Variants in HRG observed in about 807,000 individuals in gnomAD.
HRG encodes the protein histidine rich glycoprotein, also known as histidine-rich glycoprotein.
Under a neutral mutation model 29.5 loss-of-function variants are expected in HRG, and 26 were observed. The observed-to-expected ratio is 0.88, with a 90% CI of 0.65 to 1.22. The LOEUF is 1.22. Ranked by LOEUF, HRG falls within the 50% of genes most tolerant of loss-of-function variation. HRG has a pLI of 0.00. For synonymous variants in HRG, 243 were observed against 240.4 expected (o/e 1.01, Z -0.10); for missense variants, 671 against 654.5 (o/e 1.03, Z -0.28).
Position 186,677,248 on chromosome 3 carries a change from G to C in HRG, c.943G>C (p.Gly315Arg), listed in dbSNP as rs767977047. 2 of 1,613,968 alleles carry C rather than the reference G, an allele frequency of 1.2e-6. No individual in the cohort carries two copies. The highest frequency in any genetic ancestry group is 1.1e-5 in the South Asian group (1 of 91,054). Residue 315 changes from glycine (G) to arginine (R), a missense_variant, in exon 7 of 7, where the codon GGC becomes CGC. Gly to Arg is a moderately radical substitution (Grantham distance 125). Coordinates refer to ENST00000232003, the MANE Select transcript of HRG (RefSeq NM_000412.5). ...DHSHGPPLPQ[G>R]PPPLLPMSCS... is the part of the protein sequence containing the mutation. Reference sequence around the variant, plus strand: ...CTCACATGGACCCCCACTTCCACAAGGCCCTCCTCCACTATTGCCCATGTC... The same window carrying C: ...CTCACATGGACCCCCACTTCCACAACGCCCTCCTCCACTATTGCCCATGTC...
rs752120188 is a variant in HRG at position 186,666,080 on chromosome 3, T to C, written c.49T>C (p.Cys17Arg). ...ALLLITLQYSCAVSPTDCSAV... is the reference protein window; with the variant it reads ...ALLLITLQYSRAVSPTDCSAV... Reference sequence around the variant, plus strand: ...GCTTTTGATCACATTGCAGTATTCGTGTGCCGTGAGTCCCACTGACTGCAG... The same window carrying C: ...GCTTTTGATCACATTGCAGTATTCGCGTGCCGTGAGTCCCACTGACTGCAG... The change falls in exon 1 of 7, where the codon TGT becomes CGT. Residue 17 changes from cysteine (C) to arginine (R), a missense_variant. Physicochemically the swap from Cys to Arg is radical, Grantham distance 180. Coordinates refer to ENST00000232003, the MANE Select transcript of HRG (RefSeq NM_000412.5). The C allele has an allele frequency of 7.4e-6, 12 of 1,614,114 alleles. No individual in the cohort carries two copies. Among genetic ancestry groups the C allele is most frequent in the Non-Finnish European group, 1.0e-5 (12 of 1,180,038 alleles).
At chr3:186,674,994 A>C in intron 5 of HRG, 95 bp from the exon 6 acceptor site, 2 of 822,662 alleles carry the variant, frequency 2.4e-6, no homozygotes, top group Non-Finnish European at 4.3e-6. Flanking sequence ...TTTCTAAAGC[A>C]CTTCTTCCTT....
intron 3 of HRG, 94 bp from the exon 4 acceptor site, chr3:186,671,529 C>A: frequency 7.6e-7 from 1 of 1,321,734 alleles, no homozygotes; most frequent in Non-Finnish European, 1.1e-6. Flanking sequence ...TCAATTTGCC[C>A]ATCCTTAAAA....
chr3:186,675,321 G>GAGAGAGAC, intron 6 of HRG, 131 bp downstream of exon 6: 1 of 687,942 alleles, frequency 1.5e-6, no homozygotes, highest in Admixed American at 2.0e-5. Flanking sequence ...GAGAGAGAGA[G>GAGAGAGAC]AGAGAGAGAG....
In HRG at chr3:186,671,779, T is replaced by G; in HGVS notation, c.548T>G (p.Val183Gly). ...ASFRVDRIER[V>G]ARVRGGEGTG... is the part of the protein sequence containing the mutation. ...TTCAGAGTGGACCGAATCGAGAGAG[T>G]TGCAAGAGTGGTGAGTCTCCACTAA... Residue 183 changes from valine (V) to glycine (G), a missense_variant, in exon 4 of 7, where the codon GTT becomes GGT. Physicochemically the swap from Val to Gly is moderately radical, Grantham distance 109. Coordinates refer to ENST00000232003, the MANE Select transcript of HRG (RefSeq NM_000412.5). The G allele has an allele frequency of 3.7e-6, 6 of 1,612,944 alleles. No individual in the cohort carries two copies. Among genetic ancestry groups the G allele is most frequent in the Non-Finnish European group, 5.1e-6 (6 of 1,179,594 alleles).
intron 3 of HRG, 49 bp downstream of exon 3, chr3:186,670,077 C>G: frequency 1.1e-6 from 1 of 935,326 alleles, no homozygotes; most frequent in Non-Finnish European, 1.8e-6. Flanking sequence ...AATACAAATT[C>G]AATCATACAG....
chr3:186,675,037 C>A, intron 5 of HRG, 52 bp from the exon 6 acceptor site: 3 of 1,210,722 alleles, frequency 2.5e-6, no homozygotes, highest in South Asian at 1.2e-5. Flanking sequence ...TCTGGCTGGT[C>A]ATCTTCACAC....
chr3:186,674,778 AG>A, intron 5 of HRG: 5 of 378,240 alleles, frequency 1.3e-5, no homozygotes, highest in South Asian at 8.5e-5. Context: ...CCAGTGCAGA[AG>A]GGTTGGCCTA....
In HRG at chr3:186,675,306, T is replaced by A. The variant is rs2378122; in HGVS notation, c.741+116T>A. On this transcript the variant is annotated intron_variant, in intron 6 of 6. Coordinates refer to ENST00000232003, the MANE Select transcript of HRG (RefSeq NM_000412.5). ...GTGGGTGTGTGTGTGTGTGTGTGTGTGTGAGAGAGAGAGAGAGAGAGAGAG... is the reference window on the plus strand; with the variant it reads ...GTGGGTGTGTGTGTGTGTGTGTGTGAGTGAGAGAGAGAGAGAGAGAGAGAG... The A allele has an allele frequency of 0.55, 250,507 of 455,464 alleles. 60,887 individuals are homozygous for A. Among genetic ancestry groups the A allele is most frequent in the East Asian group, 0.67 (12,853 of 19,288 alleles). The allele number at this position is 455,464 out of a possible 1,614,324, so 28.2% of individuals were successfully genotyped here.
chr3:186,666,347 C>T (rs1579071611), intron 1 of HRG, 133 bp downstream of exon 1: 5 of 839,912 alleles, frequency 6.0e-6, no homozygotes, highest in Non-Finnish European at 9.6e-6. Context: ...TCTGCGGCTG[C>T]TCTAAATTGT....
chr3:186,673,592 C>T (rs1718877557), intron 5 of HRG: 1 of 153,520 alleles, frequency 6.5e-6, no homozygotes, highest in Non-Finnish European at 1.4e-5. Flanking sequence ...GGATTAAAGG[C>T]TTAGTTAGAA....
At chr3:186,670,498 T>C (rs1718752345) in intron 3 of HRG, among the ~76,000 whole-genome samples, 1 of 152,196 alleles carries the variant, frequency 6.6e-6, no homozygotes, top group African/African-American at 2.4e-5. Flanking sequence ...ATTGTGAAGA[T>C]GTGACACAAT....
At chr3:186,669,479 T>C in intron 2 of HRG, 1 of 335,934 alleles carries the variant, frequency 3.0e-6, no homozygotes, top group South Asian at 2.8e-5. Context: ...AGTAATTACT[T>C]GCAGTGAGGA....
intron 1 of HRG, among the ~76,000 whole-genome samples, chr3:186,667,861 G>A (rs958389411): frequency 3.3e-5 from 5 of 152,002 alleles, no homozygotes; most frequent in Non-Finnish European, 5.9e-5. Context: ...TAGATTACAC[G>A]CCTACCTAAA....
intron 6 of HRG, 29 bp downstream of exon 6, chr3:186,675,219 G>T (rs1718932005): frequency 7.1e-7 from 1 of 1,413,440 alleles, no homozygotes; most frequent in Non-Finnish European, 1.0e-6. Flanking sequence ...CTTTGTCATG[G>T]CAGTGCCAGA....
At position 186,672,862 on chromosome 3, in the gene HRG, C is replaced by G; in HGVS notation, c.634C>G (p.Pro212Ala). The G allele has an allele frequency of 6.2e-7, 1 of 1,600,322 alleles. No individual in the cohort carries two copies. The highest frequency in any genetic ancestry group is 8.6e-7 in the Non-Finnish European group (1 of 1,167,858). Residue 212 changes from proline (P) to alanine (A), a missense_variant, in exon 5 of 7, where the codon CCC (proline) becomes GCC (alanine). Coordinates refer to ENST00000232003, the MANE Select transcript of HRG (RefSeq NM_000412.5). ...CCCCAGACACCATTTCCCCAGACAC[C>G]CCAATGTGAGTATAAGAAATGTCTG... The part of the protein sequence containing the change: ...NCPRHHFPRH[P>A]NVFGFCRADL...
At chr3:186,672,914 A>G in intron 5 of HRG, 47 bp downstream of exon 5, 2 of 1,251,612 alleles carry the variant, frequency 1.6e-6, no homozygotes, top group Non-Finnish European at 2.4e-6. Context: ...TCACAGAGAA[A>G]AAAGAAAGAG....
At chr3:186,673,541 T>G (rs1686270098) in intron 5 of HRG, 2 of 159,238 alleles carry the variant, frequency 1.3e-5, no homozygotes, top group African/African-American at 4.8e-5. Context: ...ATAATATACA[T>G]GATATATACC....
At chr3:186,676,682 T>G (rs1184119061) in intron 6 of HRG, among the ~76,000 whole-genome samples, 4 of 151,942 alleles carry the variant, frequency 2.6e-5, no homozygotes, top group Admixed American at 6.6e-5. Context: ...GCATGGTGGC[T>G]TGGGCGTGTA....
Sources: gnomAD v4.1 joint callset for allele counts (sites outside exome capture counted in the v4.1 genomes callset) on GRCh38, gnomAD v4.1.1 for gene constraint, MANE v1.5 for transcripts, NCBI Gene and HGNC (gene_info 2026-07-23, HGNC 2026-07-21) for gene names.